The following PWWP2B variants were observed in gnomAD, a reference collection of about 807,000 sequenced individuals.
PWWP2B encodes the protein PWWP domain containing 2B, also known as PWWP domain-containing protein 2B.
Under a neutral mutation model 15.5 loss-of-function variants are expected in PWWP2B, and 9 were observed. The ratio of observed to expected loss-of-function variants is 0.58; its 90% CI spans 0.35 to 1.02. The LOEUF (loss-of-function observed/expected upper bound fraction) is 1.02, where lower values mean the gene tolerates loss of function less well. PWWP2B is among the 50% of genes least tolerant of loss of function. The pLI is 0.02. For missense variants in PWWP2B, 864 were observed against 865.3 expected, an observed-to-expected ratio of 1.00 and a Z score of 0.02; for synonymous variants, 474 against 403.6, an observed-to-expected ratio of 1.17 and a Z score of -2.09.
intron 2 of PWWP2B, among the ~76,000 whole-genome samples, chr10:132,409,661 C>T (rs1048959889): frequency 6.9e-6 from 1 of 145,742 alleles, no homozygotes; most frequent in Non-Finnish European, 1.5e-5. Context: ...ACCCACACCT[C>T]TACTGAGGGC....
At chr10:132,398,192 A>C (rs887866827) in intron 1 of PWWP2B, among the ~76,000 whole-genome samples, 1 of 152,240 alleles carries the variant, frequency 6.6e-6, no homozygotes, top group South Asian at 2.1e-4. Flanking sequence ...AACTTTTTCC[A>C]TCCGTGGAGC....
At chr10:132,410,702 A>G (rs901528349) in intron 2 of PWWP2B, among the ~76,000 whole-genome samples, 1 of 152,134 alleles carries the variant, frequency 6.6e-6, no homozygotes, top group African/African-American at 2.4e-5. Context: ...CCGACGGGGC[A>G]CTTGGTCCTG....
rs769463560 is a variant in PWWP2B, at chr10:132,405,594, C to T, written c.1094C>T (p.Ser365Leu). 9 of 1,610,398 alleles carry T rather than the reference C, an allele frequency of 5.6e-6. No homozygotes were observed. The African/African-American group carries it at 6.7e-5, about 12-fold the overall frequency. Residue 365 changes from serine to leucine, a missense_variant, in exon 2 of 3, where the codon TCG becomes TTG. Coordinates refer to ENST00000305233, the MANE Select transcript of PWWP2B (RefSeq NM_138499.4). ...GELNGYLRDS[S>L]PAPCADGPAG... ...CTGAACGGGTACCTGCGGGACAGCTCGCCGGCGCCCTGTGCGGACGGCCCT... is the reference window on the plus strand; with the variant it reads ...CTGAACGGGTACCTGCGGGACAGCTTGCCGGCGCCCTGTGCGGACGGCCCT...
intron 1 of PWWP2B, among the ~76,000 whole-genome samples, chr10:132,398,208 T>C (rs1243871031): frequency 6.6e-6 from 1 of 152,230 alleles, no homozygotes; most frequent in Admixed American, 6.5e-5. Flanking sequence ...GGAGCCCAGA[T>C]TTTTGCCTGG....
chr10:132,415,607 TCA>T (rs1231080310), intron 2 of PWWP2B, among the ~76,000 whole-genome samples: 12 of 141,960 alleles, frequency 8.5e-5, no homozygotes, highest in Non-Finnish European at 1.5e-4. Flanking sequence ...TCACATTTAC[TCA>T]CACACATCCA....
rs898380128 is a variant in PWWP2B, at chr10:132,404,459, G to A, written c.126-167G>A. Among the ~76,000 whole-genome samples the A allele has an allele frequency of 7.2e-4, 110 of 152,294 alleles. 1 individual carries two copies. The highest frequency in any genetic ancestry group is 4.0e-4 in the Non-Finnish European group (27 of 68,012). On this transcript the variant is annotated intron_variant, in intron 1 of 2. Transcript: ENST00000305233. Reference sequence around the variant, plus strand: ...GTCCAACCCAGGACATACGTAGGGAGCATGGGCATTGGTTTACCGTCCTGA... The same window carrying A: ...GTCCAACCCAGGACATACGTAGGGAACATGGGCATTGGTTTACCGTCCTGA...
chr10:132,412,989 G>C (rs917688924), intron 2 of PWWP2B, among the ~76,000 whole-genome samples: 8 of 152,262 alleles, frequency 5.3e-5, no homozygotes, highest in Non-Finnish European at 8.8e-5. Context: ...GGTGACCACA[G>C]CAGCCTGCTG....
rs1195928174 is a variant in PWWP2B, at chr10:132,405,073, C to T, written c.573C>T (p.Ser191=). ...GCACGCTGAGCCCCCCGGAGGCCAG[C>T]CCCGGACCCCCAGCCGCGCCCAGGG... ...CKSTLSPPEA[S]PGPPAAPRAR... The change falls in exon 2 of 3, where the codon AGC becomes AGT. Residue 191 remains serine (S), a synonymous_variant. Transcript: ENST00000305233. The T allele has an allele frequency of 1.3e-6, 2 of 1,525,614 alleles. No individual in the cohort carries two copies. Among genetic ancestry groups the T allele is most frequent in the African/African-American group, 1.4e-5 (1 of 71,976 alleles). The allele number at this position is 1,525,614 out of a possible 1,614,324, so 94.5% of individuals were successfully genotyped here. A position where few individuals can be genotyped will look rare whatever the true frequency, so the allele number is the denominator to read the frequency against.
intron 1 of PWWP2B, among the ~76,000 whole-genome samples, chr10:132,397,601 G>T (rs1001041057): frequency 6.6e-6 from 1 of 151,518 alleles, no homozygotes; most frequent in Non-Finnish European, 1.5e-5. Flanking sequence ...CGGGGGGCGC[G>T]GGGCCGGGGT....
Position 132,414,088 on chromosome 10 carries a change from G to A in PWWP2B, c.*17-2973G>A, listed in dbSNP as rs72863869. On this transcript the variant is annotated intron_variant, in intron 2 of 2. Coordinates refer to ENST00000305233, the MANE Select transcript of PWWP2B (RefSeq NM_138499.4). ...TGAGCGAGGGTCATCTAGAAAGGTAGGAGAGACGTGAGGAGCGGCCAGTGC... is the reference window on the plus strand; with the variant it reads ...TGAGCGAGGGTCATCTAGAAAGGTAAGAGAGACGTGAGGAGCGGCCAGTGC... 5.0e-3 allele frequency among the ~76,000 whole-genome samples: 760 copies of A among 152,356 alleles called. 3 individuals are homozygous for A. Among genetic ancestry groups the A allele is most frequent in the Non-Finnish European group, 8.7e-3 (593 of 68,030 alleles).
Position 132,417,195 on chromosome 10 carries a change from C to T in PWWP2B, c.*151C>T. 8.7e-7 allele frequency: 1 copy of T among 1,149,926 alleles called. No individual in the cohort carries two copies. The highest frequency in any genetic ancestry group is 1.3e-6 in the Non-Finnish European group (1 of 766,596). 71.2% of individuals were successfully genotyped at this position (1,149,926 alleles called of 1,614,324 possible). The stretch of plus-strand genomic sequence containing the variant: ...GGCCTGGTGTGAGGCCCCCCGGGGA[C>T]CGGCAGTGTGTCCAGGGAGGGGATG... On this transcript the variant is annotated 3_prime_UTR_variant, in exon 3 of 3. Transcript: ENST00000305233.
At chr10:132,407,015 G>A (rs536698210) in intron 2 of PWWP2B, among the ~76,000 whole-genome samples, 1 of 152,314 alleles carries the variant, frequency 6.6e-6, no homozygotes, top group South Asian at 2.1e-4. Flanking sequence ...CTCCAGCCAG[G>A]CCTTGTGTGG....
At position 132,405,788 on chromosome 10, in the gene PWWP2B, G is replaced by T; in HGVS notation, c.1288G>T (p.Glu430Ter). 6.2e-7 allele frequency: 1 copy of T among 1,607,328 alleles called. No individual in the cohort carries two copies. The highest frequency in any genetic ancestry group is 8.5e-7 in the Non-Finnish European group (1 of 1,179,766). The part of the protein sequence containing the change: ...ESACSSDSLD[E>*]ARSSGSEGTP... ...GGCGTGCAGCAGCGACAGCCTGGAC[G>T]AGGCCAGATCGTCCGGCTCGGAAGG... Residue 430 changes from glutamate to a stop codon, truncating the protein, a stop_gained, in exon 2 of 3, where the codon GAG becomes TAG. Transcript: ENST00000305233. LOFTEE classifies it low-confidence loss of function (END_TRUNC).
chr10:132,415,455 TCA>T (rs577316161), intron 2 of PWWP2B, among the ~76,000 whole-genome samples: 13 of 139,258 alleles, frequency 9.3e-5, no homozygotes, highest in Admixed American at 5.0e-4. Context: ...TCACATCCAC[TCA>T]CACACGCACT....
rs558265620 is a variant in PWWP2B at position 132,417,367 on chromosome 10, T to C, written c.*323T>C. 3 of 484,684 alleles carry C rather than the reference T, an allele frequency of 6.2e-6. No homozygotes were observed. Among genetic ancestry groups the C allele is most frequent in the East Asian group, 3.7e-5 (1 of 27,002 alleles). The allele number at this position is 484,684 out of a possible 1,614,324, so 30.0% of individuals were successfully genotyped here. On this transcript the variant is annotated 3_prime_UTR_variant, in exon 3 of 3. Coordinates refer to ENST00000305233, the MANE Select transcript of PWWP2B (RefSeq NM_138499.4). ...GCGCGCTGGGGTTCCATGGAGGAAC[T>C]GGGCCTGCCGCCCCGGCCTCACCTG...
In PWWP2B at chr10:132,405,581, C is replaced by T; in HGVS notation, c.1081C>T (p.Leu361=). The T allele has an allele frequency of 1.2e-6, 2 of 1,609,368 alleles. No individual in the cohort carries two copies. The highest frequency in any genetic ancestry group is 1.7e-6 in the Non-Finnish European group (2 of 1,179,586). Residue 361 remains leucine (L), a synonymous_variant, in exon 2 of 3, where the codon CTG becomes TTG. Coordinates refer to ENST00000305233, the MANE Select transcript of PWWP2B (RefSeq NM_138499.4). ...GCTGGTGGGGGAGCTGAACGGGTAC[C>T]TGCGGGACAGCTCGCCGGCGCCCTG... ...AELVGELNGY[L]RDSSPAPCAD...
intron 1 of PWWP2B, among the ~76,000 whole-genome samples, chr10:132,404,249 C>G (rs2069651550): frequency 6.6e-6 from 1 of 152,102 alleles, no homozygotes; most frequent in Non-Finnish European, 1.5e-5. Flanking sequence ...CCATGGGTCA[C>G]AAGCAGCCAG....
intron 1 of PWWP2B, among the ~76,000 whole-genome samples, chr10:132,398,334 C>T (rs550114338): frequency 2.0e-5 from 3 of 152,378 alleles, no homozygotes; most frequent in African/African-American, 7.2e-5. Context: ...TAACATATGG[C>T]TCCCGTGTGG....
chr10:132,402,684 G>A (rs949405970), intron 1 of PWWP2B, among the ~76,000 whole-genome samples: 1 of 152,250 alleles, frequency 6.6e-6, no homozygotes, highest in African/African-American at 2.4e-5. Context: ...ATGAGGCCAG[G>A]GGACTTGGAG....
Sources: allele counts gnomAD v4.1 joint callset (sites outside exome capture counted in the v4.1 genomes callset), GRCh38; gene constraint gnomAD v4.1.1; transcripts MANE v1.5; gene names NCBI Gene and HGNC (gene_info 2026-07-23, HGNC 2026-07-21).